Variants in PXN observed in about 807,000 individuals in gnomAD.
PXN encodes paxillin.
PXN carries 61 observed loss-of-function variants against 103.6 expected under a neutral mutation model. The observed-to-expected ratio is 0.59, with a 90% CI of 0.48 to 0.73. PXN has a LOEUF of 0.73. Among genes scored for constraint, PXN ranks in the 30% least tolerant of loss-of-function variants. The pLI is 0.00. For missense variants in PXN, 1,274 were observed against 1,460.3 expected, an observed-to-expected ratio of 0.87 and a Z score of 2.08; for synonymous variants, 562 against 607.8, an observed-to-expected ratio of 0.92 and a Z score of 1.11.
rs1284228614 is a variant in PXN at position 120,228,907 on chromosome 12, A to ACAGT, written c.14-4534_14-4531dup. Reference sequence around the variant, plus strand: ...CCCTGGGGCAGGTGGCTGGGCAGAAACAGTGCACTACGGCCAGGCTGAGAG... The same window carrying ACAGT: ...CCCTGGGGCAGGTGGCTGGGCAGAAACAGTCAGTGCACTACGGCCAGGCTGAGAG... On this transcript the variant is annotated intron_variant, in intron 1 of 14. Coordinates refer to ENST00000637617, the MANE Select transcript of PXN (RefSeq NM_001385981.1). The surrounding 1 kb of genome is among the most constrained non-coding windows in gnomAD (Gnocchi z 4.7). Among the ~76,000 whole-genome samples, 2 of 152,144 alleles carry ACAGT rather than the reference A, an allele frequency of 1.3e-5. No homozygotes were observed. Among genetic ancestry groups the ACAGT allele is most frequent in the African/African-American group, 4.8e-5 (2 of 41,428 alleles).
At chr12:120,257,458 G>A (rs529819499) in intron 1 of PXN, among the ~76,000 whole-genome samples, 26 of 152,290 alleles carry the variant, frequency 1.7e-4, no homozygotes, top group African/African-American at 5.1e-4. Flanking sequence ...ATCTCTGCAC[G>A]CTGACATAGA....
rs966337585 is a variant in PXN, at chr12:120,225,581, G to A, written c.14-1204C>T. On this transcript the variant is annotated intron_variant, in intron 1 of 14. Coordinates refer to ENST00000637617, the MANE Select transcript of PXN (RefSeq NM_001385981.1). The surrounding 1 kb of genome is among the most constrained non-coding windows in gnomAD (Gnocchi z 4.4). ...GGGCTTGGAGAGGCAGAGGTCAGAG[G>A]TGTTTGCTCCAAATAACAAAGCCAG... Among the ~76,000 whole-genome samples the A allele has an allele frequency of 3.3e-5, 5 of 152,144 alleles. No homozygotes were observed. Among genetic ancestry groups the A allele is most frequent in the African/African-American group, 4.8e-5 (2 of 41,406 alleles).
At position 120,215,317 on chromosome 12, in the gene PXN, G is replaced by T; in HGVS notation, c.2404-44C>A. ...CTGGTCAGGACTCCTGAGGCTCGGG[G>T]TACGGTGTCTGGCAGCACAGGGATG... is the stretch of plus-strand genomic sequence containing the variant. On this transcript the variant is annotated intron_variant, in intron 10 of 14. Transcript: ENST00000637617. This position sits in a 1 kb window ranked among gnomAD's most constrained non-coding sequence, Gnocchi z 4.9. The T allele has an allele frequency of 5.2e-6, 8 of 1,551,832 alleles. No individual in the cohort carries two copies. The highest frequency in any genetic ancestry group is 6.9e-6 in the Non-Finnish European group (8 of 1,152,488).
intron 1 of PXN, among the ~76,000 whole-genome samples, chr12:120,240,067 G>A (rs553418081): frequency 1.3e-5 from 2 of 152,192 alleles, no homozygotes; most frequent in East Asian, 3.9e-4. Context: ...CCACTTGCTA[G>A]CATGACACCT....
In PXN at chr12:120,265,524, G is replaced by A. The variant is rs550281076; in HGVS notation, c.13+93C>T. 2.6e-3 allele frequency: 3,503 copies of A among 1,373,112 alleles called. 13 individuals carry two copies. The highest frequency in any genetic ancestry group is 3.2e-3 in the Non-Finnish European group (3,393 of 1,050,326). The allele number at this position is 1,373,112 out of a possible 1,614,324, so 85.1% of individuals were successfully genotyped here. ...AGCTGAGGCCGGGGCCGCCGAGGGT[G>A]GGATCCCGCGGCCCCTGCCGCTCGC... On this transcript the variant is annotated intron_variant, in intron 1 of 14. Transcript: ENST00000637617. The surrounding 1 kb of genome is among the most constrained non-coding windows in gnomAD (Gnocchi z 5.7).
In PXN at chr12:120,215,100, C is replaced by T; in HGVS notation, c.2574+3G>A. The T allele has an allele frequency of 6.3e-7, 1 of 1,582,060 alleles. No homozygotes were observed. ...CACACCCCTGCCCACTCCCCCTCAT[C>T]ACCTGCCCGGCGATGGGCTTCTTGC... On this transcript the variant is annotated splice_donor_region_variant and intron_variant, in intron 11 of 14. Coordinates refer to ENST00000637617, the MANE Select transcript of PXN (RefSeq NM_001385981.1). The surrounding 1 kb of genome is among the most constrained non-coding windows in gnomAD (Gnocchi z 4.9).
chr12:120,241,843 C>T (rs1348260987), intron 1 of PXN, among the ~76,000 whole-genome samples: 2 of 152,206 alleles, frequency 1.3e-5, no homozygotes, highest in Admixed American at 1.3e-4. Flanking sequence ...CAGGACCAGG[C>T]TTGCACTTTA....
chr12:120,216,988 C>T lies in PXN; in HGVS notation c.1845G>A (p.Ala615=), dbSNP rs146931451. Residue 615 remains alanine, a synonymous_variant, in exon 8 of 15, where the codon GCG becomes GCA. Transcript: ENST00000637617. The surrounding 1 kb of genome is among the most constrained non-coding windows in gnomAD (Gnocchi z 5.1). The stretch of plus-strand genomic sequence containing the variant: ...GGATGCCCAGCCGCCCCTGCAGCTC[C>T]GCGATGAGCTGTTCCTGGGATGGGG... ...SRTPSQEQLI[A]ELQGRLGIQP... The T allele has an allele frequency of 1.4e-4, 221 of 1,553,944 alleles. 1 individual carries two copies. In the African/African-American group the frequency reaches 2.4e-3, roughly 17 times the overall value.
chr12:120,226,562 G>A (rs1886928971), intron 1 of PXN: 3 of 1,208,938 alleles, frequency 2.5e-6, no homozygotes, highest in Non-Finnish European at 2.1e-6. Context: ...CCAAACACCC[G>A]CTCCACCACA....
chr12:120,226,098 G>C, intron 1 of PXN: 1 of 1,119,520 alleles, frequency 8.9e-7, no homozygotes, highest in Non-Finnish European at 1.1e-6. Context: ...TCTAGGTAAC[G>C]GCAGAAAAGG....
rs1473188899 is a variant in PXN, at chr12:120,216,374, C to G, written c.2200G>C (p.Asp734His). 1 of 1,320,042 alleles carries G rather than the reference C, an allele frequency of 7.6e-7. No homozygotes were observed. The highest frequency in any genetic ancestry group is 9.6e-7 in the Non-Finnish European group (1 of 1,041,242). 81.8% of individuals were successfully genotyped at this position (1,320,042 alleles called of 1,614,324 possible). ...GVQSAGEEPH[D>H]EGVQGPALPI... The stretch of plus-strand genomic sequence containing the variant: ...AGGGCAGGGCCCTGCACCCCCTCAT[C>G]ATGGGGCTCTTCCCCTGCACTCTGG... The change falls in exon 9 of 15, where the codon GAT (aspartate) becomes CAT (histidine). Residue 734 changes from aspartate to histidine, a missense_variant. Asp to His is a moderately conservative substitution (Grantham distance 81). Transcript: ENST00000637617. The surrounding 1 kb of genome is among the most constrained non-coding windows in gnomAD (Gnocchi z 5.1).
chr12:120,251,852 G>A (rs1892242953), intron 1 of PXN, among the ~76,000 whole-genome samples: 1 of 152,016 alleles, frequency 6.6e-6, no homozygotes, highest in South Asian at 2.1e-4. Flanking sequence ...TAAATGCCAA[G>A]AGAATGATAC....
Position 120,216,742 on chromosome 12 carries a change from C to G in PXN, c.1992+99G>C. 1 of 1,594,970 alleles carries G rather than the reference C, an allele frequency of 6.3e-7. No individual in the cohort carries two copies. Among genetic ancestry groups the G allele is most frequent in the Non-Finnish European group, 8.5e-7 (1 of 1,178,702 alleles). On this transcript the variant is annotated intron_variant, in intron 8 of 14. Transcript: ENST00000637617. This position sits in a 1 kb window ranked among gnomAD's most constrained non-coding sequence, Gnocchi z 5.1. ...GGAGGCAAGAAACCCCCACCCTCTCCCCAGATCTCCCCTCCGGCCAGCACT... is the reference window on the plus strand; with the variant it reads ...GGAGGCAAGAAACCCCCACCCTCTCGCCAGATCTCCCCTCCGGCCAGCACT...
intron 1 of PXN, among the ~76,000 whole-genome samples, chr12:120,233,490 G>A (rs1329401515): frequency 6.6e-6 from 1 of 152,098 alleles, no homozygotes; most frequent in Admixed American, 6.6e-5. Context: ...TTTCTTAGTA[G>A]AGTCGAAGTT....
chr12:120,233,165 C>T (rs559796290), intron 1 of PXN, among the ~76,000 whole-genome samples: 1 of 152,352 alleles, frequency 6.6e-6, no homozygotes, highest in South Asian at 2.1e-4. Flanking sequence ...TTCCTGCACA[C>T]ACCATCGGCC....
chr12:120,257,368 G>A (rs1893178798), intron 1 of PXN, among the ~76,000 whole-genome samples: 1 of 152,158 alleles, frequency 6.6e-6, no homozygotes, highest in African/African-American at 2.4e-5. Context: ...CACACATCAT[G>A]CTGCTTTCAA....
At position 120,210,988 on chromosome 12, in the gene PXN, T is replaced by G. The variant is rs748715806; in HGVS notation, c.*1326A>C. ...GAGGAGCAGATCTGGGGAAGGGATA[T>G]GCCCAGAGGAAATCAACAAGACCAA... On this transcript the variant is annotated 3_prime_UTR_variant, in exon 15 of 15. Coordinates refer to ENST00000637617, the MANE Select transcript of PXN (RefSeq NM_001385981.1). 6.6e-6 allele frequency: 1 copy of G among 152,566 alleles called. No homozygotes were observed. The highest frequency in any genetic ancestry group is 6.5e-5 in the Admixed American group (1 of 15,274). 9.5% of individuals were successfully genotyped at this position (152,566 alleles called of 1,614,324 possible).
chr12:120,234,891 A>T (rs1270780835), intron 1 of PXN, among the ~76,000 whole-genome samples: 2 of 152,164 alleles, frequency 1.3e-5, no homozygotes, highest in East Asian at 3.9e-4. Context: ...CAGGGGGAGG[A>T]GTCGGAGCCA....
rs1594555319 is a variant in PXN, at chr12:120,265,449, G to A, written c.13+168C>T. Among the ~76,000 whole-genome samples, 5 of 152,014 alleles carry A rather than the reference G, an allele frequency of 3.3e-5. No individual in the cohort carries two copies. Among genetic ancestry groups the A allele is most frequent in the African/African-American group, 4.8e-5 (2 of 41,414 alleles). The stretch of plus-strand genomic sequence containing the variant: ...CGGGGCCGGCCTGGCCCGAGACTAA[G>A]GCCCGGTTAGGGATCCCAGCCCCGC... On this transcript the variant is annotated intron_variant, in intron 1 of 14. Coordinates refer to ENST00000637617, the MANE Select transcript of PXN (RefSeq NM_001385981.1). The surrounding 1 kb of genome is among the most constrained non-coding windows in gnomAD (Gnocchi z 5.7).
Sources: allele counts gnomAD v4.1 joint callset (sites outside exome capture counted in the v4.1 genomes callset), GRCh38; gene constraint gnomAD v4.1.1; non-coding constraint Gnocchi (gnomAD v3.1); transcripts MANE v1.5; gene names NCBI Gene and HGNC (gene_info 2026-07-23, HGNC 2026-07-21).